Variants in KIF26B observed in about 807,000 individuals in gnomAD.
KIF26B encodes the protein kinesin family member 26B.
Under a neutral mutation model 151.2 loss-of-function variants are expected in KIF26B, and 63 were observed. The ratio of observed to expected loss-of-function variants is 0.42; its 90% CI spans 0.34 to 0.51. KIF26B has a LOEUF of 0.51. KIF26B is among the 20% of genes least tolerant of loss of function. KIF26B has a pLI of 0.07. For synonymous variants in KIF26B, 1,357 were observed against 1,262.1 expected (o/e 1.08, Z -1.59); for missense variants, 2,813 against 2,913.6 (o/e 0.97, Z 0.79).
At chr1:245,408,188 C>T (rs1038688974) in intron 3 of KIF26B, among the ~76,000 whole-genome samples, 1 of 152,030 alleles carries the variant, frequency 6.6e-6, no homozygotes, top group Non-Finnish European at 1.5e-5. Flanking sequence ...TGCTGAGTTG[C>T]AAATTGAAAG....
Position 245,572,703 on chromosome 1 carries a change from C to G in KIF26B, c.1351-29874C>G, listed in dbSNP as rs913095926. The stretch of plus-strand genomic sequence containing the variant: ...CCTTACTTCTCACATTCATCCCATT[C>G]TAATGCCCACATTTACTTCATAATG... On this transcript the variant is annotated intron_variant, in intron 5 of 14. Transcript: ENST00000407071. This position sits in a 1 kb window ranked among gnomAD's most constrained non-coding sequence, Gnocchi z 4.2. Among the ~76,000 whole-genome samples, 4 of 152,204 alleles carry G rather than the reference C, an allele frequency of 2.6e-5. No homozygotes were observed. The highest frequency in any genetic ancestry group is 9.7e-5 in the African/African-American group (4 of 41,438).
intron 3 of KIF26B, among the ~76,000 whole-genome samples, chr1:245,405,855 G>A (rs1458692699): frequency 1.3e-5 from 2 of 152,156 alleles, no homozygotes; most frequent in African/African-American, 4.8e-5. Context: ...AGAATACAAG[G>A]TTTGGTGTCA....
chr1:245,230,371 A>G (rs750022131), intron 2 of KIF26B, among the ~76,000 whole-genome samples: 16 of 152,196 alleles, frequency 1.1e-4, no homozygotes, highest in Non-Finnish European at 2.1e-4. Context: ...TTTCAGACCT[A>G]TTTTTGCTGG....
chr1:245,240,849 G>A (rs999705863), intron 2 of KIF26B, among the ~76,000 whole-genome samples: 23 of 152,250 alleles, frequency 1.5e-4, no homozygotes, highest in African/African-American at 5.5e-4. Flanking sequence ...GAGGCTGGAG[G>A]AAGGTCAGAA....
At chr1:245,315,899 A>C (rs1671764826) in intron 2 of KIF26B, among the ~76,000 whole-genome samples, 1 of 152,040 alleles carries the variant, frequency 6.6e-6, no homozygotes, top group South Asian at 2.1e-4. Context: ...AAATGGTTCA[A>C]ATGGCAAATT....
At chr1:245,409,170 A>G (rs1674214032) in intron 3 of KIF26B, among the ~76,000 whole-genome samples, 1 of 152,240 alleles carries the variant, frequency 6.6e-6, no homozygotes, top group South Asian at 2.1e-4. Context: ...GCATATGTGC[A>G]AAACTGCAAG....
chr1:245,550,370 C>T (rs968026448), intron 5 of KIF26B, among the ~76,000 whole-genome samples: 1 of 152,180 alleles, frequency 6.6e-6, no homozygotes, highest in Non-Finnish European at 1.5e-5. Flanking sequence ...TTCTTTTCTC[C>T]TGGAGTGTGA....
chr1:245,159,314 G>A (rs979953406), intron 2 of KIF26B, among the ~76,000 whole-genome samples: 2 of 152,188 alleles, frequency 1.3e-5, no homozygotes, highest in African/African-American at 4.8e-5. Flanking sequence ...AAAGTCAAAA[G>A]CAGAATAGCA....
chr1:245,566,258 C>A (rs544656382), intron 5 of KIF26B, among the ~76,000 whole-genome samples: 17 of 152,214 alleles, frequency 1.1e-4, no homozygotes, highest in Non-Finnish European at 2.2e-4. Context: ...CATGGCCAGC[C>A]CCAACAGAGA....
chr1:245,474,083 A>AAAT (rs1429128293), intron 4 of KIF26B, among the ~76,000 whole-genome samples: 1 of 148,532 alleles, frequency 6.7e-6, no homozygotes, highest in Non-Finnish European at 1.5e-5. Flanking sequence ...AACTGTAGTC[A>AAAT]CCTACTGATC....
rs1669074763 is a variant in KIF26B at position 245,190,169 on chromosome 1, T to A, written c.465+33486T>A. On this transcript the variant is annotated intron_variant, in intron 2 of 14. Transcript: ENST00000407071. The stretch of plus-strand genomic sequence containing the variant: ...CCCCCATGATTCAGTCATCTCCCCC[T>A]GGGTCCCTCCCACAGCATGTGGGAA... 2.0e-5 allele frequency among the ~76,000 whole-genome samples: 3 copies of A among 152,036 alleles called. 1 individual carries two copies. In the South Asian group the frequency reaches 6.2e-4, roughly 32 times the overall value.
chr1:245,454,343 A>T (rs1001340270), intron 4 of KIF26B, among the ~76,000 whole-genome samples: 51 of 152,212 alleles, frequency 3.4e-4, no homozygotes, highest in Admixed American at 9.2e-4. Flanking sequence ...ATGTCTGAGC[A>T]TCCAGGGAGG....
intron 2 of KIF26B, among the ~76,000 whole-genome samples, chr1:245,345,039 C>A (rs1444677416): frequency 1.3e-5 from 2 of 152,128 alleles, no homozygotes; most frequent in Admixed American, 6.5e-5. Context: ...GCACTACATT[C>A]GTATTCTGAG....
intron 10 of KIF26B, among the ~76,000 whole-genome samples, chr1:245,647,118 T>C (rs540437574): frequency 6.6e-6 from 1 of 152,192 alleles, no homozygotes; most frequent in Non-Finnish European, 1.5e-5. Flanking sequence ...CTCAAAATGA[T>C]AAAACATGTA....
At chr1:245,419,532 A>T (rs780504090) in intron 3 of KIF26B, 47 bp from the exon 4 acceptor site, 1 of 1,547,008 alleles carries the variant, frequency 6.5e-7, no homozygotes, top group Admixed American at 1.9e-5. Flanking sequence ...GGTCAGGAAA[A>T]GCAGTGAGCC....
At chr1:245,547,584 T>TGA (rs1661773975) in intron 5 of KIF26B, among the ~76,000 whole-genome samples, 1 of 10,018 alleles carries the variant, frequency 1.0e-4, no homozygotes, top group African/African-American at 3.5e-4. Context: ...AGACTCCATC[T>TGA]CAAAAAAAAA....
Position 245,564,149 on chromosome 1 carries a change from A to G in KIF26B, c.1350+23199A>G, listed in dbSNP as rs10924241. On this transcript the variant is annotated intron_variant, in intron 5 of 14. Transcript: ENST00000407071. This position sits in a 1 kb window ranked among gnomAD's most constrained non-coding sequence, Gnocchi z 4.6. The stretch of plus-strand genomic sequence containing the variant: ...GTCACCTCCCCTGTGTTGCAGCCAC[A>G]CTGAAGCCTCAATGTCCCCTAAACA... Among the ~76,000 whole-genome samples, 98,675 of 151,876 alleles carry G rather than the reference A, an allele frequency of 0.65. 33,939 individuals carry two copies. The highest frequency in any genetic ancestry group is 0.86 in the East Asian group (4,397 of 5,138).
chr1:245,588,609 A>T (rs2103134302), intron 5 of KIF26B, among the ~76,000 whole-genome samples: 1 of 152,288 alleles, frequency 6.6e-6, no homozygotes, highest in East Asian at 1.9e-4. Flanking sequence ...GACTCATTGG[A>T]GCTAAGCAGA....
At chr1:245,485,275 G>C (rs1012256200) in intron 4 of KIF26B, among the ~76,000 whole-genome samples, 42 of 152,208 alleles carry the variant, frequency 2.8e-4, no homozygotes, top group African/African-American at 9.1e-4. Flanking sequence ...AAAAGTTGTG[G>C]AACTTGATAG....
Sources: allele counts gnomAD v4.1 joint callset (sites outside exome capture counted in the v4.1 genomes callset), GRCh38; gene constraint gnomAD v4.1.1; non-coding constraint Gnocchi (gnomAD v3.1); transcripts MANE v1.5; gene names NCBI Gene and HGNC (gene_info 2026-07-23, HGNC 2026-07-21).